DENND1A: variants seen among roughly 807,000 people sequenced by gnomAD.
DENND1A encodes DENN domain-containing protein 1A.
A neutral mutation model predicts 113.7 loss-of-function variants in DENND1A; 51 were observed. The ratio of observed to expected loss-of-function variants is 0.45; its 90% CI spans 0.36 to 0.57. The LOEUF (loss-of-function observed/expected upper bound fraction) is 0.57. Ranked by LOEUF, DENND1A falls within the 20% of genes least tolerant of loss-of-function variation. DENND1A has a pLI of 0.00. For synonymous variants in DENND1A, 565 were observed against 570.8 expected (o/e 0.99, Z 0.14); for missense variants, 1,258 against 1,395.9 (o/e 0.90, Z 1.57).
intron 5 of DENND1A, among the ~76,000 whole-genome samples, chr9:123,742,667 G>A (rs1415574072): frequency 6.6e-6 from 1 of 152,080 alleles, no homozygotes; most frequent in Non-Finnish European, 1.5e-5. Context: ...GCTCCCCAGG[G>A]GCTCAGTTTG....
rs375535777 is a variant in DENND1A, at chr9:123,848,228, T to TAA, written c.88+30721_88+30722dup. On this transcript the variant is annotated intron_variant, in intron 2 of 23. Coordinates refer to ENST00000394215, the MANE Select transcript of DENND1A (RefSeq NM_001352964.2). ...TTATTGCACTTCAAAGATACTGCTTTAAAAAAAAAAAAAAAAAAAAAAAAA... is the reference window on the plus strand; with the variant it reads ...TTATTGCACTTCAAAGATACTGCTTTAAAAAAAAAAAAAAAAAAAAAAAAAAA... Among the ~76,000 whole-genome samples, 136 of 60,502 alleles carry TAA rather than the reference T, an allele frequency of 2.2e-3. 4 individuals carry two copies. Among genetic ancestry groups the TAA allele is most frequent in the African/African-American group, 2.9e-3 (40 of 13,902 alleles). The allele number at this position is 60,502 out of a possible 152,430, so 39.7% of individuals were successfully genotyped here.
chr9:123,391,821 C>T (rs147370674), intron 21 of DENND1A, among the ~76,000 whole-genome samples: 1,533 of 150,758 alleles, frequency 0.01, 24 homozygotes, highest in Non-Finnish European at 0.011. Context: ...TACTCCCCTG[C>T]GGTCTGCCAC....
intron 13 of DENND1A, among the ~76,000 whole-genome samples, chr9:123,521,960 T>C (rs2054431195): frequency 6.6e-6 from 1 of 152,228 alleles, no homozygotes; most frequent in African/African-American, 2.4e-5. Flanking sequence ...ACACCACCCA[T>C]GCCGGCTCCC....
At chr9:123,544,381 T>C (rs954967045) in intron 13 of DENND1A, among the ~76,000 whole-genome samples, 22 of 152,254 alleles carry the variant, frequency 1.4e-4, no homozygotes, top group Non-Finnish European at 1.8e-4. Context: ...TTTATAAAGG[T>C]TGTTAGTTTA....
intron 4 of DENND1A, among the ~76,000 whole-genome samples, chr9:123,768,597 T>G (rs1295803032): frequency 1.3e-5 from 2 of 152,098 alleles, no homozygotes; most frequent in Non-Finnish European, 2.9e-5. Flanking sequence ...TCAATAAAAG[T>G]GGGTTTGTTA....
At chr9:123,742,951 T>A (rs969502276) in intron 5 of DENND1A, among the ~76,000 whole-genome samples, 3 of 152,186 alleles carry the variant, frequency 2.0e-5, no homozygotes, top group African/African-American at 7.2e-5. Context: ...ACTAAAAATT[T>A]AACACAGTCA....
At chr9:123,617,279 G>A (rs2060699987) in intron 10 of DENND1A, among the ~76,000 whole-genome samples, 1 of 152,232 alleles carries the variant, frequency 6.6e-6, no homozygotes, top group African/African-American at 2.4e-5. Flanking sequence ...AGGCAGAGAT[G>A]GCCTAGTTTC....
At chr9:123,397,330 T>C (rs946454604) in intron 21 of DENND1A, among the ~76,000 whole-genome samples, 21 of 152,218 alleles carry the variant, frequency 1.4e-4, no homozygotes, top group Non-Finnish European at 5.9e-5. Flanking sequence ...GATTTTTGTA[T>C]GTTTAGTAGA....
At chr9:123,627,573 T>C (rs1409087411) in intron 10 of DENND1A, among the ~76,000 whole-genome samples, 3 of 152,064 alleles carry the variant, frequency 2.0e-5, no homozygotes, top group African/African-American at 7.2e-5. Context: ...ACTCCGTCTC[T>C]ACTAAAATTA....
intron 12 of DENND1A, among the ~76,000 whole-genome samples, chr9:123,560,010 T>C (rs1422606857): frequency 1.8e-5 from 1 of 56,970 alleles, no homozygotes; most frequent in Admixed American, 1.7e-4. Flanking sequence ...TGTTGTAGCA[T>C]TGTGTCAAGA....
intron 22 of DENND1A, among the ~76,000 whole-genome samples, chr9:123,387,472 G>C (rs1465358575): frequency 6.6e-6 from 1 of 152,214 alleles, no homozygotes; most frequent in Non-Finnish European, 1.5e-5. Flanking sequence ...TCATCTCTAA[G>C]GGGACCAATG....
chr9:123,437,006 T>C (rs369257432), intron 19 of DENND1A, among the ~76,000 whole-genome samples: 1 of 152,202 alleles, frequency 6.6e-6, no homozygotes, highest in East Asian at 1.9e-4. Context: ...CTTGGGACTA[T>C]GAGGTGGACT....
chr9:123,411,288 C>T (rs1014374335), intron 20 of DENND1A: 3 of 152,236 alleles, frequency 2.0e-5, no homozygotes, highest in African/African-American at 7.2e-5. Context: ...AAGTGGATCT[C>T]CAAGGAAGGC....
intron 12 of DENND1A, among the ~76,000 whole-genome samples, chr9:123,563,748 T>C (rs1464950476): frequency 6.6e-6 from 1 of 152,216 alleles, no homozygotes; most frequent in Non-Finnish European, 1.5e-5. Flanking sequence ...ACTGTGAATA[T>C]AATAAAGTCT....
At chr9:123,672,085 C>T (rs534598132) in intron 6 of DENND1A, among the ~76,000 whole-genome samples, 5 of 152,338 alleles carry the variant, frequency 3.3e-5, no homozygotes, top group Non-Finnish European at 7.3e-5. Flanking sequence ...ATCCTCCCAA[C>T]TACCCACTTC....
At chr9:123,686,275 T>C (rs187774593) in intron 5 of DENND1A, among the ~76,000 whole-genome samples, 1 of 152,334 alleles carries the variant, frequency 6.6e-6, no homozygotes, top group African/African-American at 2.4e-5. Context: ...TTCCCTAAGA[T>C]GACACAGCTA....
rs151121765 is a variant in DENND1A, at chr9:123,768,038, T to G, written c.182+1476A>C. Among the ~76,000 whole-genome samples the G allele has an allele frequency of 8.5e-5, 13 of 152,302 alleles. No homozygotes were observed. The East Asian group carries it at 2.5e-3, about 29-fold the overall frequency. On this transcript the variant is annotated intron_variant, in intron 4 of 23. Coordinates refer to ENST00000394215, the MANE Select transcript of DENND1A (RefSeq NM_001352964.2). Reference sequence around the variant, plus strand: ...AAATGTGAAGTTTGCATTAAATATCTCTAAACAAAACCTTACTTCCTTGCA... The same window carrying G: ...AAATGTGAAGTTTGCATTAAATATCGCTAAACAAAACCTTACTTCCTTGCA...
chr9:123,861,252 A>G (rs568033127), intron 2 of DENND1A, among the ~76,000 whole-genome samples: 1 of 152,298 alleles, frequency 6.6e-6, no homozygotes, highest in Admixed American at 6.5e-5. Flanking sequence ...TTCAAGTTTC[A>G]ATTTGGCAGT....
At chr9:123,419,695 TAA>T (rs2045074096) in intron 19 of DENND1A, among the ~76,000 whole-genome samples, 1 of 152,330 alleles carries the variant, frequency 6.6e-6, no homozygotes, top group Admixed American at 6.5e-5. Context: ...GGCATGGAAA[TAA>T]AAGAGGGCTG....
Sources: gnomAD v4.1 joint callset for allele counts (sites outside exome capture counted in the v4.1 genomes callset) on GRCh38, gnomAD v4.1.1 for gene constraint, MANE v1.5 for transcripts, NCBI Gene and HGNC (gene_info 2026-07-23, HGNC 2026-07-21) for gene names.